The following VWA8 variants were observed in gnomAD, a reference collection of about 807,000 sequenced individuals.
VWA8 encodes the protein von Willebrand factor A domain containing 8.
Under a neutral mutation model 241.5 loss-of-function variants are expected in VWA8, and 221 were observed. The ratio of observed to expected loss-of-function variants is 0.91; its 90% confidence interval spans 0.82 to 1.02. The LOEUF is 1.02. Ranked by LOEUF, VWA8 falls within the 50% of genes least tolerant of loss-of-function variation. The pLI is 0.00. For synonymous variants in VWA8, 852 were observed against 827.1 expected, an observed-to-expected ratio of 1.03 and a Z score of -0.52; for missense variants, 2,322 against 2,328.7, an observed-to-expected ratio of 1.00 and a Z score of 0.06.
At chr13:41,829,197 C>A (rs944708289) in intron 14 of VWA8, among the ~76,000 whole-genome samples, 5 of 152,162 alleles carry the variant, frequency 3.3e-5, no homozygotes, top group Non-Finnish European at 5.9e-5. Context: ...TGAGATACCA[C>A]CTTACTCCTG....
intron 37 of VWA8, among the ~76,000 whole-genome samples, chr13:41,636,766 A>G (rs547324713): frequency 4.6e-5 from 7 of 152,252 alleles, no homozygotes; most frequent in Non-Finnish European, 7.3e-5. Flanking sequence ...ATATGAACAG[A>G]CACTTTTCAG....
intron 14 of VWA8, among the ~76,000 whole-genome samples, chr13:41,825,360 T>C (rs1456120994): frequency 6.6e-6 from 1 of 152,156 alleles, no homozygotes; most frequent in African/African-American, 2.4e-5. Context: ...ACTCCATGGA[T>C]TACCGTTATA....
chr13:41,621,064 C>T (rs1022553344), intron 37 of VWA8, among the ~76,000 whole-genome samples: 1 of 152,146 alleles, frequency 6.6e-6, no homozygotes, highest in Non-Finnish European at 1.5e-5. Context: ...TTCTCATTTA[C>T]AATGGTTTGA....
chr13:41,749,863 G>A (rs1049587175), intron 21 of VWA8, among the ~76,000 whole-genome samples: 2 of 148,542 alleles, frequency 1.3e-5, no homozygotes, highest in African/African-American at 2.5e-5. Context: ...ATCACACTCC[G>A]GGGCCTGTTG....
At chr13:41,651,518 G>A (rs2044869122) in intron 37 of VWA8, among the ~76,000 whole-genome samples, 1 of 152,276 alleles carries the variant, frequency 6.6e-6, no homozygotes, top group Non-Finnish European at 1.5e-5. Flanking sequence ...AGGCTTTACA[G>A]GCCATATGGT....
At chr13:41,668,214 C>T (rs1018837854) in intron 37 of VWA8, among the ~76,000 whole-genome samples, 1 of 152,106 alleles carries the variant, frequency 6.6e-6, no homozygotes, top group Non-Finnish European at 1.5e-5. Context: ...GGTTATTTGC[C>T]CAGCCCTCAC....
intron 14 of VWA8, among the ~76,000 whole-genome samples, chr13:41,829,548 CACACACACACACACACACAT>C (rs1161422389): frequency 2.8e-5 from 4 of 142,874 alleles, no homozygotes; most frequent in Non-Finnish European, 4.7e-5. Flanking sequence ...CACACACACA[CACACACACACACACACACAT>C]GCACACACAC....
intron 24 of VWA8, among the ~76,000 whole-genome samples, chr13:41,724,497 CG>C (rs953387994): frequency 6.6e-6 from 1 of 151,986 alleles, no homozygotes; most frequent in Non-Finnish European, 1.5e-5. Context: ...CTTCAAAAGG[CG>C]GGATCTGGTG....
At chr13:41,851,285 C>T (rs1426797851) in intron 12 of VWA8, among the ~76,000 whole-genome samples, 5 of 152,164 alleles carry the variant, frequency 3.3e-5, no homozygotes, top group Non-Finnish European at 5.9e-5. Flanking sequence ...CCACCAGATT[C>T]TATGAGTTTG....
chr13:41,625,463 G>A lies in VWA8; in HGVS notation c.4612-10379C>T, dbSNP rs189077195. Among the ~76,000 whole-genome samples the A allele has an allele frequency of 4.9e-3, 742 of 152,152 alleles. 10 individuals carry two copies. The highest frequency in any genetic ancestry group is 0.017 in the African/African-American group (696 of 41,524). On this transcript the variant is annotated intron_variant, in intron 37 of 44. Coordinates refer to ENST00000379310, the MANE Select transcript of VWA8 (RefSeq NM_015058.2). ...TCTCAGAAGAAGACATTTATGCAGCGAAAAAACATATGAAAAAATGCTCAT... is the reference window on the plus strand; with the variant it reads ...TCTCAGAAGAAGACATTTATGCAGCAAAAAAACATATGAAAAAATGCTCAT...
intron 37 of VWA8, among the ~76,000 whole-genome samples, chr13:41,628,453 A>G (rs2044706897): frequency 6.6e-6 from 1 of 152,236 alleles, no homozygotes; most frequent in African/African-American, 2.4e-5. Context: ...TTATGCACAT[A>G]AATTCATACA....
At chr13:41,745,965 A>G (rs2045602979) in intron 21 of VWA8, among the ~76,000 whole-genome samples, 1 of 151,084 alleles carries the variant, frequency 6.6e-6, no homozygotes, top group South Asian at 2.1e-4. Flanking sequence ...TTTACAAGTG[A>G]AAAAAAAAGG....
intron 29 of VWA8, 104 bp from the exon 30 acceptor site, chr13:41,693,076 A>T: frequency 1.5e-6 from 1 of 680,408 alleles, no homozygotes. Flanking sequence ...TATAGTGATA[A>T]ATCAAAACAA....
chr13:41,636,022 T>C (rs2044754270), intron 37 of VWA8, among the ~76,000 whole-genome samples: 1 of 152,200 alleles, frequency 6.6e-6, no homozygotes, highest in Non-Finnish European at 1.5e-5. Flanking sequence ...AAATACCTCA[T>C]CTTAAATCAA....
At chr13:41,696,413 T>C (rs1387941524) in intron 29 of VWA8, among the ~76,000 whole-genome samples, 1 of 152,238 alleles carries the variant, frequency 6.6e-6, no homozygotes, top group East Asian at 1.9e-4. Context: ...GCTCTTTAAA[T>C]ATTCATAAGT....
rs1263557756 is a variant in VWA8, at chr13:41,881,385, G to T, written c.1080+2002C>A. On this transcript the variant is annotated intron_variant, in intron 9 of 44. Coordinates refer to ENST00000379310, the MANE Select transcript of VWA8 (RefSeq NM_015058.2). ...GTTTTTTTTTGCCGGGGGGGGGGGG[G>T]GGGGGGTAAGGTCACAGATCAACAG... Among the ~76,000 whole-genome samples the T allele has an allele frequency of 1.5e-4, 7 of 47,840 alleles. 2 individuals are homozygous for T. The highest frequency in any genetic ancestry group is 2.7e-4 in the Non-Finnish European group (6 of 22,518). The allele number at this position is 47,840 out of a possible 152,430, so 31.4% of individuals were successfully genotyped here.
intron 2 of VWA8, among the ~76,000 whole-genome samples, chr13:41,948,215 C>T (rs1327682562): frequency 1.3e-5 from 2 of 152,120 alleles, no homozygotes; most frequent in Non-Finnish European, 2.9e-5. Context: ...CAATGAACTA[C>T]AGCATCAATA....
chr13:41,667,313 C>T (rs540778372), intron 37 of VWA8, among the ~76,000 whole-genome samples: 6 of 152,302 alleles, frequency 3.9e-5, no homozygotes, highest in East Asian at 1.9e-4. Context: ...GGGGAATAGA[C>T]TAATAGTGCT....
In VWA8 at chr13:41,590,752, T is replaced by C. The variant is rs746206549; in HGVS notation, c.5000A>G (p.Glu1667Gly). Residue 1667 changes from glutamate (E) to glycine (G), a missense_variant, in exon 41 of 45, where the codon GAA becomes GGA. Glu to Gly is a moderately conservative substitution (Grantham distance 98, BLOSUM62 -2). Coordinates refer to ENST00000379310, the MANE Select transcript of VWA8 (RefSeq NM_015058.2). ...ILDNLQAKGK[E>G]RQWLRHQATG... is the part of the protein sequence containing the mutation. ...AGCTTGATGTCTTAGCCATTGTCTT[T>C]CTTTACCTTTAGCCTACAAAAGACA... The C allele has an allele frequency of 2.0e-5, 32 of 1,613,970 alleles. No homozygotes were observed. The highest frequency in any genetic ancestry group is 2.6e-5 in the Non-Finnish European group (31 of 1,179,994).
Sources: allele counts gnomAD v4.1 joint callset (sites outside exome capture counted in the v4.1 genomes callset), GRCh38; gene constraint gnomAD v4.1.1; transcripts MANE v1.5; gene names NCBI Gene and HGNC (gene_info 2026-07-23, HGNC 2026-07-21).